The following IQGAP1 variants were observed in gnomAD, a reference collection of about 807,000 sequenced individuals.
The protein encoded by IQGAP1 is ras GTPase-activating-like protein IQGAP1.
Under a neutral mutation model 215.6 loss-of-function variants are expected in IQGAP1, and 66 were observed. The observed-to-expected ratio is 0.31, with a 90% CI of 0.25 to 0.38. The LOEUF (loss-of-function observed/expected upper bound fraction) is 0.38, where lower values mean the gene tolerates loss of function less well. IQGAP1 is among the 10% of genes least tolerant of loss of function. The probability of loss-of-function intolerance (pLI) is 1.00; values close to 1 mark genes in which losing one functional copy is unlikely to be tolerated. For synonymous variants in IQGAP1, 772 were observed against 728.7 expected, an observed-to-expected ratio of 1.06 and a Z score of -0.96; for missense variants, 1,712 against 1,997.1, an observed-to-expected ratio of 0.86 and a Z score of 2.72.
At chr15:90,466,229 C>T in intron 16 of IQGAP1, 40 bp from the exon 17 acceptor site, 2 of 1,597,882 alleles carry the variant, frequency 1.3e-6, no homozygotes, top group East Asian at 2.2e-5. Flanking sequence ...AATTTAGACA[C>T]TCTCTAAACT....
intron 2 of IQGAP1, among the ~76,000 whole-genome samples, chr15:90,422,794 C>T (rs540032883): frequency 9.4e-4 from 143 of 151,370 alleles, no homozygotes; most frequent in African/African-American, 3.4e-3. Flanking sequence ...CTCCTGGGCT[C>T]AAACGGTCCT....
At chr15:90,474,719 T>C in intron 23 of IQGAP1, 26 bp downstream of exon 23, 1 of 1,538,202 alleles carries the variant, frequency 6.5e-7, no homozygotes, top group Non-Finnish European at 9.0e-7. Context: ...AGCGGGGGCC[T>C]TGGAACGGTT....
Position 90,474,517 on chromosome 15 carries a change from C to G in IQGAP1, c.2608C>G (p.Arg870Gly). The G allele has an allele frequency of 6.2e-7, 1 of 1,614,040 alleles. No homozygotes were observed. The highest frequency in any genetic ancestry group is 8.5e-7 in the Non-Finnish European group (1 of 1,179,964). The change falls in exon 23 of 38, where the codon CGA becomes GGA. Residue 870 changes from arginine (R) to glycine (G), a missense_variant. This residue lies in a region of IQGAP1 where 1,021 missense variants were observed against 1,074.2 expected (regional missense o/e 0.95). Transcript: ENST00000268182. ...TGAGGATCCTCCTATGGTTGTGGTC[C>G]GAAAATTTGTCCACCTGCTGGACCA... ...NAEDPPMVVV[R>G]KFVHLLDQSD...
chr15:90,494,659 A>T, intron 35 of IQGAP1, 54 bp from the exon 36 acceptor site: 1 of 1,489,638 alleles, frequency 6.7e-7, no homozygotes, highest in Non-Finnish European at 9.1e-7. Flanking sequence ...ACCAATGATG[A>T]AGATTCAGAG....
At chr15:90,464,892 C>T (rs1381980038) in intron 15 of IQGAP1, among the ~76,000 whole-genome samples, 1 of 151,804 alleles carries the variant, frequency 6.6e-6, no homozygotes, top group African/African-American at 2.4e-5. Flanking sequence ...GAAGGTATTT[C>T]TACTAATCTA....
At chr15:90,437,714 T>A (rs1220375527) in intron 5 of IQGAP1, among the ~76,000 whole-genome samples, 1 of 151,908 alleles carries the variant, frequency 6.6e-6, no homozygotes, top group Non-Finnish European at 1.5e-5. Context: ...AATTAAGAAA[T>A]TTTTTTTGTA....
intron 2 of IQGAP1, among the ~76,000 whole-genome samples, chr15:90,398,992 C>A (rs1964764716): frequency 8.4e-6 from 1 of 119,512 alleles, no homozygotes. Context: ...GTGATAGAAC[C>A]AGACATTGTC....
chr15:90,418,258 CT>C (rs1888782832), intron 2 of IQGAP1, among the ~76,000 whole-genome samples: 1 of 151,270 alleles, frequency 6.6e-6, no homozygotes, highest in Non-Finnish European at 1.5e-5. Context: ...AGGAAAAAAA[CT>C]TTAAAAAATA....
intron 2 of IQGAP1, 87 bp downstream of exon 2, chr15:90,390,960 A>G (rs1217729869): frequency 3.4e-6 from 3 of 869,768 alleles, no homozygotes; most frequent in East Asian, 5.0e-5. Flanking sequence ...GAGGCTGAAC[A>G]CAGTGGTCCA....
chr15:90,417,823 T>G (rs74359821), intron 2 of IQGAP1, among the ~76,000 whole-genome samples: 6,674 of 152,278 alleles, frequency 0.044, 654 homozygotes, highest in East Asian at 0.38. Context: ...ATTTTCACGA[T>G]ATTGATTCTT....
chr15:90,486,671 G>A (rs1479254706), intron 31 of IQGAP1: 1 of 338,340 alleles, frequency 3.0e-6, no homozygotes, highest in East Asian at 7.4e-5. Context: ...TGGGATTGCA[G>A]GACTGAGCCA....
intron 2 of IQGAP1, among the ~76,000 whole-genome samples, chr15:90,392,463 T>C (rs1267169022): frequency 6.6e-6 from 1 of 152,224 alleles, no homozygotes; most frequent in Non-Finnish European, 1.5e-5. Flanking sequence ...TTGTGCTCTG[T>C]GGAGCTTTGG....
Position 90,491,561 on chromosome 15 carries a change from G to T in IQGAP1, c.4461+16G>T, listed in dbSNP as rs773156756. 6.2e-7 allele frequency: 1 copy of T among 1,604,146 alleles called. No homozygotes were observed. The highest frequency in any genetic ancestry group is 1.1e-5 in the South Asian group (1 of 90,782). On this transcript the variant is annotated intron_variant, in intron 34 of 37. Transcript: ENST00000268182. ...CATTGCCAGGGTACTGCATTCGGGGGACAGAGGGGACCCGGCCTTGTTCAA... is the reference window on the plus strand; with the variant it reads ...CATTGCCAGGGTACTGCATTCGGGGTACAGAGGGGACCCGGCCTTGTTCAA...
At chr15:90,404,921 T>C (rs2151004623) in intron 2 of IQGAP1, among the ~76,000 whole-genome samples, 1 of 152,348 alleles carries the variant, frequency 6.6e-6, no homozygotes, top group East Asian at 1.9e-4. Flanking sequence ...AAATAAAGTT[T>C]TAAAACATAT....
chr15:90,470,110 G>A (rs935664795), intron 18 of IQGAP1, among the ~76,000 whole-genome samples: 2 of 152,106 alleles, frequency 1.3e-5, no homozygotes, highest in Admixed American at 1.3e-4. Context: ...AACAGGGAAG[G>A]GATGCTACCT....
At chr15:90,388,713 A>G (rs1433190369) in intron 1 of IQGAP1, among the ~76,000 whole-genome samples, 1 of 151,858 alleles carries the variant, frequency 6.6e-6, no homozygotes, top group Admixed American at 6.5e-5. Context: ...GTGAGGTGGC[A>G]GGATGACCGC....
At chr15:90,421,523 G>T (rs976716037) in intron 2 of IQGAP1, among the ~76,000 whole-genome samples, 1 of 152,084 alleles carries the variant, frequency 6.6e-6, no homozygotes, top group Non-Finnish European at 1.5e-5. Flanking sequence ...TCTATATTTG[G>T]GGAAAAAAGG....
intron 17 of IQGAP1, 126 bp from the exon 18 acceptor site, chr15:90,467,324 C>T (rs1169547487): frequency 1.1e-6 from 1 of 885,662 alleles, no homozygotes; most frequent in Non-Finnish European, 1.7e-6. Context: ...CTCACAGATC[C>T]AAGGAGCAGC....
At position 90,501,312 on chromosome 15, in the gene IQGAP1, G is replaced by A. The variant is rs1246712533; in HGVS notation, c.*1204G>A. ...TATTTTATGAGCCCCAGTTTTCTGG[G>A]CTTAGTTTAAAAAAAAAATCAAGTC... On this transcript the variant is annotated 3_prime_UTR_variant, in exon 38 of 38. Coordinates refer to ENST00000268182, the MANE Select transcript of IQGAP1 (RefSeq NM_003870.4). 3 of 149,830 alleles carry A rather than the reference G, an allele frequency of 2.0e-5. No homozygotes were observed. Among genetic ancestry groups the A allele is most frequent in the Admixed American group, 6.6e-5 (1 of 15,060 alleles). 9.3% of individuals were successfully genotyped at this position (149,830 alleles called of 1,614,324 possible).
Sources: allele counts gnomAD v4.1 joint callset (sites outside exome capture counted in the v4.1 genomes callset), GRCh38; gene constraint gnomAD v4.1.1; regional missense constraint gnomAD v4.1.1; transcripts MANE v1.5; gene names NCBI Gene and HGNC (gene_info 2026-07-23, HGNC 2026-07-21).